COL10A1: variants seen among roughly 807,000 people sequenced by gnomAD.
COL10A1 encodes collagen type X alpha 1 chain, also known as collagen alpha-1(X) chain.
A neutral mutation model predicts 18.2 loss-of-function variants in COL10A1; 10 were observed. That is an observed-to-expected ratio of 0.55 (90% CI 0.34 to 0.93). COL10A1 has a LOEUF of 0.93. COL10A1 is among the 40% of genes least tolerant of loss of function. The pLI is 0.02. For synonymous variants in COL10A1, 330 were observed against 316.6 expected, an observed-to-expected ratio of 1.04 and a Z score of -0.45; for missense variants, 897 against 853.5, an observed-to-expected ratio of 1.05 and a Z score of -0.64.
At chr6:116,129,219 T>G (rs767803888), upstream of COL10A1, among the ~76,000 whole-genome samples, 2 of 152,184 alleles carry the variant, frequency 1.3e-5, no homozygotes, top group Non-Finnish European at 2.9e-5. Context: ...TAGACATGTA[T>G]ATACACAAAC....
chr6:116,182,150 T>TC, the COL10A1 span, among the ~76,000 whole-genome samples: 1 of 152,000 alleles, frequency 6.6e-6, no homozygotes. Context: ...ACCTAGAACC[T>TC]CCAATTTCAT....
intron 1 of COL10A1, among the ~76,000 whole-genome samples, chr6:116,143,394 A>G (rs1291030699): frequency 6.6e-6 from 1 of 152,080 alleles, no homozygotes; most frequent in East Asian, 1.9e-4. Context: ...TTGTATCTTT[A>G]GTAGAGACGG....
the COL10A1 span, among the ~76,000 whole-genome samples, chr6:116,188,473 C>T: frequency 0.21 from 31,996 of 151,654 alleles, 3,531 homozygotes; most frequent in East Asian, 0.27. Context: ...GAAAATGAAG[C>T]TTTATGAACA....
At chr6:116,208,356 C>T in the COL10A1 span, among the ~76,000 whole-genome samples, 1 of 151,950 alleles carries the variant, frequency 6.6e-6, no homozygotes, top group Non-Finnish European at 1.5e-5. Context: ...AAACAAAACC[C>T]TCCCAAAATG....
At chr6:116,153,510 T>A (rs1011800991) in intron 1 of COL10A1, among the ~76,000 whole-genome samples, 1 of 152,198 alleles carries the variant, frequency 6.6e-6, no homozygotes. Context: ...TTTTTAGTTA[T>A]AAACATTTTC....
intron 1 of COL10A1, among the ~76,000 whole-genome samples, chr6:116,155,283 A>G (rs570851818): frequency 7.2e-5 from 11 of 152,278 alleles, no homozygotes; most frequent in Non-Finnish European, 1.5e-4. Context: ...TGCTCCAGAT[A>G]TCTGGGATAA....
chr6:116,215,333 T>G, the COL10A1 span, among the ~76,000 whole-genome samples: 1 of 152,278 alleles, frequency 6.6e-6, no homozygotes, highest in East Asian at 1.9e-4. Flanking sequence ...TTTATTTTAC[T>G]TTGTCTATAC....
chr6:116,188,978 G>A, the COL10A1 span, among the ~76,000 whole-genome samples: 1 of 151,762 alleles, frequency 6.6e-6, no homozygotes, highest in Non-Finnish European at 1.5e-5. Context: ...CATTATCATT[G>A]GCCCCACATT....
At chr6:116,124,768 A>G (rs954409462) in intron 2 of COL10A1, among the ~76,000 whole-genome samples, 4 of 152,128 alleles carry the variant, frequency 2.6e-5, no homozygotes, top group African/African-American at 4.8e-5. Flanking sequence ...CCGCTAAACT[A>G]TATTCAAAAT....
the COL10A1 span, among the ~76,000 whole-genome samples, chr6:116,212,317 G>C: frequency 6.6e-6 from 1 of 152,034 alleles, no homozygotes; most frequent in Non-Finnish European, 1.5e-5. Flanking sequence ...AAACAGAGTA[G>C]TGCCTCATTA....
the COL10A1 span, among the ~76,000 whole-genome samples, chr6:116,206,422 T>C: frequency 0.1 from 15,364 of 152,014 alleles, 1,300 homozygotes; most frequent in African/African-American, 0.23. Context: ...CTAAAGCACT[T>C]ACCCAAGGAA....
At chr6:116,152,600 CA>C (rs1780073394) in intron 1 of COL10A1, among the ~76,000 whole-genome samples, 2 of 152,082 alleles carry the variant, frequency 1.3e-5, no homozygotes, top group Admixed American at 6.6e-5. Context: ...CTTTCTTTAC[CA>C]GGTCTTTATT....
chr6:116,206,290 A>G, the COL10A1 span, among the ~76,000 whole-genome samples: 2 of 152,020 alleles, frequency 1.3e-5, no homozygotes, highest in Admixed American at 6.6e-5. Flanking sequence ...AATTTTTACT[A>G]TGTGTAAAGC....
At chr6:116,178,088 T>TGTGTGTGTGTGTGTGTGC in the COL10A1 span, among the ~76,000 whole-genome samples, 1 of 99,620 alleles carries the variant, frequency 1.0e-5, no homozygotes, top group African/African-American at 4.7e-5. Context: ...TGTGTGTGTG[T>TGTGTGTGTGTGTGTGTGC]GCGCGCGCGC....
the COL10A1 span, among the ~76,000 whole-genome samples, chr6:116,178,108 T>TGC: frequency 1.2e-4 from 13 of 107,258 alleles, no homozygotes; most frequent in Non-Finnish European, 2.2e-4. Flanking sequence ...CGCGCGTGCG[T>TGC]GCGTGTGTGT....
intron 1 of COL10A1, among the ~76,000 whole-genome samples, chr6:116,143,100 A>G (rs1041762360): frequency 1.5e-4 from 23 of 152,356 alleles, no homozygotes; most frequent in Admixed American, 6.5e-4. Flanking sequence ...ATATTTAGAA[A>G]TAATATTAAA....
chr6:116,186,714 G>A, the COL10A1 span, among the ~76,000 whole-genome samples: 1 of 151,974 alleles, frequency 6.6e-6, no homozygotes, highest in South Asian at 2.1e-4. Flanking sequence ...GTGTGTCCTT[G>A]ACTTCCAGAA....
the COL10A1 span, among the ~76,000 whole-genome samples, chr6:116,199,988 A>C: frequency 9.9e-6 from 1 of 100,910 alleles, no homozygotes; most frequent in African/African-American, 5.6e-5. Context: ...CAAAGAGTAC[A>C]GTATGGAAAG....
chr6:116,163,141 A>AAAATATATATATATATATATATAT (rs761718922), upstream of COL10A1, among the ~76,000 whole-genome samples: 1 of 88,396 alleles, frequency 1.1e-5, no homozygotes, highest in African/African-American at 5.8e-5. Context: ...AAAAAAAAAA[A>AAAATATATATATATATATATATAT]ATATATATAT....
Sources: gnomAD v4.1 joint callset for allele counts (sites outside exome capture counted in the v4.1 genomes callset) on GRCh38, gnomAD v4.1.1 for gene constraint, MANE v1.5 for transcripts, NCBI Gene and HGNC (gene_info 2026-07-23, HGNC 2026-07-21) for gene names.